The following PITPNA variants were observed in gnomAD, a reference collection of about 807,000 sequenced individuals.
PITPNA encodes the protein phosphatidylinositol transfer protein alpha.
A neutral mutation model predicts 50.3 loss-of-function variants in PITPNA; 13 were observed. The observed-to-expected ratio is 0.26, with a 90% CI of 0.17 to 0.41. The LOEUF (loss-of-function observed/expected upper bound fraction) is 0.41. PITPNA is among the 10% of genes least tolerant of loss of function. The pLI, the probability that PITPNA is intolerant of heterozygous loss-of-function variation, is 1.00. For missense variants in PITPNA, 207 were observed against 333.4 expected (o/e 0.62, Z 2.95); for synonymous variants, 120 against 119.6 (o/e 1.00, Z -0.02).
At chr17:1,537,824 G>A (rs2075626936) in intron 7 of PITPNA, among the ~76,000 whole-genome samples, 1 of 151,840 alleles carries the variant, frequency 6.6e-6, no homozygotes, top group Non-Finnish European at 1.5e-5. Flanking sequence ...TGTGTGAGAT[G>A]GAGTCTCGCT....
chr17:1,534,040 A>C (rs2270229), intron 10 of PITPNA, 59 bp downstream of exon 10: 184,232 of 1,601,782 alleles, frequency 0.12, 11,357 homozygotes, highest in Middle Eastern at 0.15. Context: ...CCCCAGCAAA[A>C]CAGTCTCCTT....
chr17:1,562,645 GGCCCGGCTGCCTGTGCGTCTTCGTC>G lies in PITPNA; in HGVS notation c.-110_-86del. 1 of 985,126 alleles carries G rather than the reference GGCCCGGCTGCCTGTGCGTCTTCGTC, an allele frequency of 1.0e-6. No individual in the cohort carries two copies. The highest frequency in any genetic ancestry group is 1.3e-6 in the Non-Finnish European group (1 of 785,600). The allele number at this position is 985,126 out of a possible 1,614,324, so 61.0% of individuals were successfully genotyped here. ...GGCCGCTCTCCCCGTGGCCCGGCCC[GGCCCGGCTGCCTGTGCGTCTTCGTC>G]GTGCTCTGCTCCGTCCCCGCCGCCC... On this transcript the variant is annotated 5_prime_UTR_variant, in exon 1 of 12. Transcript: ENST00000313486. The surrounding 1 kb of genome is among the most constrained non-coding windows in gnomAD (Gnocchi z 6.4).
intron 10 of PITPNA, among the ~76,000 whole-genome samples, chr17:1,525,007 T>G (rs976882216): frequency 4.6e-5 from 7 of 152,074 alleles, no homozygotes; most frequent in African/African-American, 1.7e-4. Context: ...TTATTGTTTT[T>G]GAGACAGAGT....
chr17:1,527,658 T>A (rs2151003219), intron 10 of PITPNA, among the ~76,000 whole-genome samples: 1 of 152,262 alleles, frequency 6.6e-6, no homozygotes, highest in South Asian at 2.1e-4. Context: ...TATTTTTAAA[T>A]TTTTTTTCTA....
At chr17:1,523,612 A>G (rs2075528129) in intron 10 of PITPNA, among the ~76,000 whole-genome samples, 1 of 151,384 alleles carries the variant, frequency 6.6e-6, no homozygotes. Context: ...GGTTCAAGCA[A>G]TTCCCCTGCC....
chr17:1,561,884 T>A (rs1443052305), intron 1 of PITPNA, among the ~76,000 whole-genome samples: 1 of 151,946 alleles, frequency 6.6e-6, no homozygotes, highest in African/African-American at 2.4e-5. Context: ...CTCTGACCCA[T>A]CCACCCGGCT....
rs1455570050 is a variant in PITPNA, at chr17:1,518,010, A to T, written c.*2551T>A. 9 of 152,636 alleles carry T rather than the reference A, an allele frequency of 5.9e-5. No individual in the cohort carries two copies. 9.5% of individuals were successfully genotyped at this position (152,636 alleles called of 1,614,324 possible). A position where few individuals can be genotyped will look rare whatever the true frequency, so the allele number is the denominator to read the frequency against. On this transcript the variant is annotated 3_prime_UTR_variant, in exon 12 of 12. Transcript: ENST00000313486. ...AAAGTTCTGTCTAGGATTTTATTAG[A>T]CTGCTTTTTTTCTCAATATACCTGT... is the stretch of plus-strand genomic sequence containing the variant.
intron 5 of PITPNA, 118 bp from the exon 6 acceptor site, chr17:1,541,758 G>T: frequency 2.7e-6 from 2 of 740,480 alleles, no homozygotes; most frequent in Non-Finnish European, 4.9e-6. Flanking sequence ...TCCAGCCTCT[G>T]CCTTGTAATA....
At position 1,552,030 on chromosome 17, in the gene PITPNA, C is replaced by T. The variant is rs1485658151; in HGVS notation, c.197+974G>A. Among the ~76,000 whole-genome samples, 5 of 152,184 alleles carry T rather than the reference C, an allele frequency of 3.3e-5. No individual in the cohort carries two copies. The South Asian group carries it at 1.0e-3, about 31-fold the overall frequency. ...CCACTGCACAGCACTGCTCTCCTCG[C>T]ACCCTGGCACTGAGGTCCTGGACCC... On this transcript the variant is annotated intron_variant, in intron 3 of 11. Transcript: ENST00000313486.
chr17:1,560,339 C>T (rs570990217), intron 1 of PITPNA, among the ~76,000 whole-genome samples: 4 of 152,232 alleles, frequency 2.6e-5, no homozygotes, highest in African/African-American at 7.2e-5. Context: ...GACCTTCACT[C>T]GCACCCTTTC....
chr17:1,526,374 G>A (rs2075548234), intron 10 of PITPNA, among the ~76,000 whole-genome samples: 1 of 152,238 alleles, frequency 6.6e-6, no homozygotes, highest in Non-Finnish European at 1.5e-5. Flanking sequence ...GGTGAAGCGC[G>A]TGATTCTGGG....
chr17:1,556,655 G>A (rs765536596), intron 2 of PITPNA, among the ~76,000 whole-genome samples: 1 of 152,138 alleles, frequency 6.6e-6, no homozygotes, highest in Non-Finnish European at 1.5e-5. Flanking sequence ...AGTTCCTGGG[G>A]CACATCTTCC....
At chr17:1,548,464 C>A in intron 3 of PITPNA, 77 bp from the exon 4 acceptor site, 1 of 992,996 alleles carries the variant, frequency 1.0e-6, no homozygotes. Flanking sequence ...GATCCAGCTT[C>A]TTCATGGGGA....
At chr17:1,538,776 T>G (rs1177839574) in intron 7 of PITPNA, 93 bp downstream of exon 7, 1 of 716,036 alleles carries the variant, frequency 1.4e-6, no homozygotes, top group Non-Finnish European at 2.5e-6. Context: ...AATTTCCTTT[T>G]GTGCCAAGTT....
At chr17:1,541,397 A>C (rs1432878485) in intron 6 of PITPNA, among the ~76,000 whole-genome samples, 169 bp downstream of exon 6, 2 of 152,088 alleles carry the variant, frequency 1.3e-5, no homozygotes, top group Admixed American at 6.6e-5. Context: ...ACATTTTGCA[A>C]ATCAGAGACA....
chr17:1,541,576 G>A lies in PITPNA; in HGVS notation c.362C>T (p.Thr121Met), dbSNP rs770198918. The A allele has an allele frequency of 2.2e-5, 36 of 1,612,108 alleles. No homozygotes were observed. Among genetic ancestry groups the A allele is most frequent in the East Asian group, 1.6e-4 (7 of 44,870 alleles). ...IETWHKPDLG[T>M]QENVHKLEPE... The stretch of plus-strand genomic sequence containing the variant: ...GGAACTACTACTCACATTCTCCTGC[G>A]TGCCAAGATCTGGTTTGTGCCAGGT... Residue 121 changes from threonine to methionine, a missense_variant, in exon 6 of 12, where the codon ACG becomes ATG. By Grantham distance (81) the Thr-to-Met change is moderately conservative. Transcript: ENST00000313486.
chr17:1,536,492 T>C (rs1437792049), intron 7 of PITPNA, among the ~76,000 whole-genome samples: 1 of 152,070 alleles, frequency 6.6e-6, no homozygotes, highest in Non-Finnish European at 1.5e-5. Flanking sequence ...GGTTTCACCG[T>C]GTTAGCCAGG....
At chr17:1,535,346 C>T (rs1567579374) in intron 8 of PITPNA, 54 bp from the exon 9 acceptor site, 2 of 1,508,994 alleles carry the variant, frequency 1.3e-6, no homozygotes, top group Non-Finnish European at 1.8e-6. Context: ...AGACCTCAGG[C>T]CGTCCCCAGC....
At chr17:1,548,155 C>T in intron 4 of PITPNA, 141 bp downstream of exon 4, 1 of 553,300 alleles carries the variant, frequency 1.8e-6, no homozygotes, top group Non-Finnish European at 3.2e-6. Context: ...CCAAGCTGTG[C>T]TGGACACAGC....
Sources: allele counts gnomAD v4.1 joint callset (sites outside exome capture counted in the v4.1 genomes callset), GRCh38; gene constraint gnomAD v4.1.1; non-coding constraint Gnocchi (gnomAD v3.1); transcripts MANE v1.5; gene names NCBI Gene and HGNC (gene_info 2026-07-23, HGNC 2026-07-21).